The following TRAF3IP2 variants were observed in gnomAD, a reference collection of about 807,000 sequenced individuals.
The protein encoded by TRAF3IP2 is TRAF3 interacting protein 2.
Under a neutral mutation model 57.9 loss-of-function variants are expected in TRAF3IP2, and 35 were observed. The ratio of observed to expected loss-of-function variants is 0.60; its 90% CI spans 0.46 to 0.80. The LOEUF is 0.80. TRAF3IP2 is among the 30% of genes least tolerant of loss of function. The probability of loss-of-function intolerance (pLI) is 0.00; values close to 1 mark genes in which losing one functional copy is unlikely to be tolerated. For missense variants in TRAF3IP2, 556 were observed against 706.4 expected (o/e 0.79, Z 2.41); for synonymous variants, 251 against 268.9 (o/e 0.93, Z 0.65).
chr6:111,580,088 C>A, intron 3 of TRAF3IP2, 109 bp downstream of exon 3: 1 of 1,293,262 alleles, frequency 7.7e-7, no homozygotes, highest in South Asian at 1.4e-5. Context: ...GTGACTTGCT[C>A]ACTAACGTGG....
chr6:111,577,149 CTTTTT>C (rs11350237), intron 3 of TRAF3IP2: 58 of 140,560 alleles, frequency 4.1e-4, no homozygotes, highest in African/African-American at 1.5e-3. Flanking sequence ...TTTTCTTTTT[CTTTTT>C]TTTTTTTATT....
intron 3 of TRAF3IP2, among the ~76,000 whole-genome samples, chr6:111,579,747 C>A (rs549094375): frequency 7.2e-5 from 11 of 152,176 alleles, no homozygotes; most frequent in Admixed American, 5.9e-4. Context: ...AAGAAAAGAA[C>A]AGGTAATTTT....
intron 8 of TRAF3IP2, among the ~76,000 whole-genome samples, chr6:111,561,244 A>G (rs1405576664): frequency 1.3e-5 from 2 of 151,802 alleles, no homozygotes; most frequent in South Asian, 2.1e-4. Flanking sequence ...GAACAAGACC[A>G]TCCTGGCCAA....
chr6:111,603,999 G>A (rs1384151600), intron 1 of TRAF3IP2, among the ~76,000 whole-genome samples: 1 of 152,194 alleles, frequency 6.6e-6, no homozygotes, highest in Non-Finnish European at 1.5e-5. Flanking sequence ...TCAGATAATG[G>A]TGCATCGTTG....
intron 2 of TRAF3IP2, among the ~76,000 whole-genome samples, chr6:111,590,459 C>T (rs2128381710): frequency 6.6e-6 from 1 of 152,284 alleles, no homozygotes; most frequent in African/African-American, 2.4e-5. Context: ...GGTTGCATAA[C>T]TCTGTAAATA....
At chr6:111,569,606 A>T (rs1468948722) in intron 5 of TRAF3IP2, among the ~76,000 whole-genome samples, 2 of 152,174 alleles carry the variant, frequency 1.3e-5, no homozygotes, top group East Asian at 3.9e-4. Context: ...ACAAAAAAAA[A>T]TTAGCTGAGC....
In TRAF3IP2 at chr6:111,580,224, C is replaced by G. The variant is rs914734693; in HGVS notation, c.995G>C (p.Cys332Ser). The G allele has an allele frequency of 2.5e-6, 4 of 1,614,072 alleles. No individual in the cohort carries two copies. The highest frequency in any genetic ancestry group is 2.7e-5 in the African/African-American group (2 of 74,934). ...GTGCCTTGGAAGCCCCGGAAAGGAG[C>G]AGTCTCTCTGTGCGGGCCTCTCTTC... ...DHEERPAQRD[C>S]SFPGLPRHQD... The change falls in exon 3 of 9, where the codon TGC (cysteine) becomes TCC (serine). Residue 332 changes from cysteine to serine, a missense_variant. By Grantham distance (112) the Cys-to-Ser change is moderately radical. This residue lies in a region of TRAF3IP2 where 428 missense variants were observed against 498.7 expected (regional missense o/e 0.86). Transcript: ENST00000368761.
chr6:111,563,120 A>G (rs1173420163), intron 7 of TRAF3IP2, 81 bp from the exon 8 acceptor site: 2 of 1,036,886 alleles, frequency 1.9e-6, no homozygotes, highest in Non-Finnish European at 1.5e-6. Flanking sequence ...GCACGTCCAC[A>G]TGGCATTTTT....
chr6:111,602,858 C>T (rs1226017479), intron 1 of TRAF3IP2, among the ~76,000 whole-genome samples: 3 of 152,154 alleles, frequency 2.0e-5, no homozygotes, highest in Admixed American at 1.3e-4. Flanking sequence ...AGACCCCAGG[C>T]AGCCTCAGTC....
intron 2 of TRAF3IP2, among the ~76,000 whole-genome samples, chr6:111,582,140 A>T (rs778424908): frequency 1.3e-5 from 2 of 152,180 alleles, no homozygotes; most frequent in Non-Finnish European, 2.9e-5. Flanking sequence ...CAGTGCCTAG[A>T]CTCAGGAAAC....
At chr6:111,563,759 A>T (rs1795532482) in intron 7 of TRAF3IP2, among the ~76,000 whole-genome samples, 1 of 152,220 alleles carries the variant, frequency 6.6e-6, no homozygotes, top group Non-Finnish European at 1.5e-5. Context: ...ATGCACTGTG[A>T]CTAGAGCACA....
chr6:111,590,059 G>A (rs190969717), intron 2 of TRAF3IP2, among the ~76,000 whole-genome samples: 61 of 152,162 alleles, frequency 4.0e-4, no homozygotes, highest in Non-Finnish European at 7.2e-4. Context: ...TGGCCTCAGC[G>A]GAGATTTAAC....
chr6:111,582,801 C>T (rs1168323568), intron 2 of TRAF3IP2, among the ~76,000 whole-genome samples: 1 of 152,160 alleles, frequency 6.6e-6, no homozygotes, highest in Non-Finnish European at 1.5e-5. Flanking sequence ...ATCAGGTTCC[C>T]GCCCCTGTAG....
intron 1 of TRAF3IP2, among the ~76,000 whole-genome samples, chr6:111,604,519 G>C (rs563350047): frequency 6.6e-6 from 1 of 152,320 alleles, no homozygotes; most frequent in East Asian, 1.9e-4. Context: ...ACCCAAATGG[G>C]ACATGAACTA....
chr6:111,600,050 A>G (rs2128385895), intron 1 of TRAF3IP2: 1 of 152,220 alleles, frequency 6.6e-6, no homozygotes, highest in East Asian at 1.9e-4. Flanking sequence ...CTCATCTGCA[A>G]AATAGGGAAA....
intron 1 of TRAF3IP2, among the ~76,000 whole-genome samples, chr6:111,595,299 C>A (rs751692443): frequency 6.6e-6 from 1 of 152,120 alleles, no homozygotes; most frequent in Non-Finnish European, 1.5e-5. Context: ...GTAAATAAAC[C>A]TGGCATGGCA....
rs1796109138 is a variant in TRAF3IP2, at chr6:111,580,118, A to C, written c.1022+79T>G. 58 of 1,518,504 alleles carry C rather than the reference A, an allele frequency of 3.8e-5. No homozygotes were observed. In the South Asian group the frequency reaches 7.0e-4, roughly 18 times the overall value. 94.1% of individuals were successfully genotyped at this position (1,518,504 alleles called of 1,614,324 possible). A position where few individuals can be genotyped will look rare whatever the true frequency, so the allele number is the denominator to read the frequency against. On this transcript the variant is annotated intron_variant, in intron 3 of 8. Transcript: ENST00000368761. ...ACGTGGGTTAGCAAACCTATAGAGA[A>C]TTCTGTTACATCTTCATTGCATTGG...
At chr6:111,571,828 G>A (rs183628999) in intron 5 of TRAF3IP2, among the ~76,000 whole-genome samples, 89 of 151,174 alleles carry the variant, frequency 5.9e-4, no homozygotes, top group Non-Finnish European at 1.0e-3. Flanking sequence ...AGCTACTTGA[G>A]AGGCTGAACC....
rs1795218348 is a variant in TRAF3IP2 at position 111,555,798 on chromosome 6, A to G, written c.*3607T>C. On this transcript the variant is annotated 3_prime_UTR_variant, in exon 9 of 9. Transcript: ENST00000368761. ...TTAATCTTATTGTCAGTGCTCTCAA[A>G]TAGTTGTTACAATTCCTTTGATGGG... Among the ~76,000 whole-genome samples, 1 of 152,174 alleles carries G rather than the reference A, an allele frequency of 6.6e-6. No homozygotes were observed. Among genetic ancestry groups the G allele is most frequent in the South Asian group, 2.1e-4 (1 of 4,830 alleles).
Sources: allele counts gnomAD v4.1 joint callset (sites outside exome capture counted in the v4.1 genomes callset), GRCh38; gene constraint gnomAD v4.1.1; regional missense constraint gnomAD v4.1.1; transcripts MANE v1.5; gene names NCBI Gene and HGNC (gene_info 2026-07-23, HGNC 2026-07-21).